The following PPP1R1C variants were observed in gnomAD, a reference collection of about 807,000 sequenced individuals.
PPP1R1C encodes the protein protein phosphatase 1 regulatory inhibitor subunit 1C.
A neutral mutation model predicts 17.4 loss-of-function variants in PPP1R1C; 15 were observed. That is an observed-to-expected ratio of 0.86 (90% CI 0.58 to 1.33). The LOEUF (loss-of-function observed/expected upper bound fraction) is 1.33, where lower values mean the gene tolerates loss of function less well. PPP1R1C is among the 40% of genes most tolerant of loss of function. The pLI is 0.00. For missense variants in PPP1R1C, 143 were observed against 130.0 expected (o/e 1.10, Z -0.48); for synonymous variants, 35 against 43.1 (o/e 0.81, Z 0.73).
Position 181,990,249 on chromosome 2 carries a change from C to T in PPP1R1C, c.142+2350C>T, listed in dbSNP as rs545750492. On this transcript the variant is annotated intron_variant, in intron 2 of 4. Transcript: ENST00000682840. Reference sequence around the variant, plus strand: ...CACCTCCGGGGTTCACGCCATTCTCCTGCCTCAGCCTCCCGAGCAGCTGGG... The same window carrying T: ...CACCTCCGGGGTTCACGCCATTCTCTTGCCTCAGCCTCCCGAGCAGCTGGG... Among the ~76,000 whole-genome samples, 7 of 152,208 alleles carry T rather than the reference C, an allele frequency of 4.6e-5. No individual in the cohort carries two copies. In the South Asian group the frequency reaches 1.4e-3, roughly 32 times the overall value.
At chr2:182,127,941 T>C (rs943160489) in intron 5 of PPP1R1C, among the ~76,000 whole-genome samples, 2 of 152,096 alleles carry the variant, frequency 1.3e-5, no homozygotes, top group Admixed American at 6.6e-5. Context: ...TTTTTGCCAA[T>C]TAAAAATGCA....
At chr2:182,104,083 A>T (rs1481381113) in intron 4 of PPP1R1C, among the ~76,000 whole-genome samples, 1 of 152,192 alleles carries the variant, frequency 6.6e-6, no homozygotes, top group Non-Finnish European at 1.5e-5. Context: ...TTTAAGATTT[A>T]CTGTGCTTTT....
At chr2:182,117,861 T>C (rs1317905516), downstream of PPP1R1C, 1 of 152,168 alleles carries the variant, frequency 6.6e-6, no homozygotes, top group Non-Finnish European at 1.5e-5. Flanking sequence ...CAATATTAGA[T>C]ACTAAACATC....
intron 2 of PPP1R1C, among the ~76,000 whole-genome samples, chr2:182,025,201 T>G (rs992711166): frequency 6.8e-6 from 1 of 146,314 alleles, no homozygotes; most frequent in African/African-American, 2.5e-5. Context: ...TTATTATTAT[T>G]TATTTATTTA....
chr2:182,094,102 T>C (rs945565715), intron 4 of PPP1R1C, among the ~76,000 whole-genome samples: 5 of 152,198 alleles, frequency 3.3e-5, no homozygotes, highest in African/African-American at 7.2e-5. Context: ...TAGTCATTAT[T>C]GGACTTACAG....
downstream of PPP1R1C, among the ~76,000 whole-genome samples, chr2:182,119,152 G>GTGTT (rs535494781): frequency 0.031 from 4,743 of 151,956 alleles, 212 homozygotes; most frequent in Admixed American, 0.13. Flanking sequence ...GGAACATGTG[G>GTGTT]TGTTTGGTTT....
chr2:182,104,787 G>T (rs1006945974), intron 4 of PPP1R1C, among the ~76,000 whole-genome samples: 2 of 152,152 alleles, frequency 1.3e-5, no homozygotes, highest in African/African-American at 4.8e-5. Context: ...AATGAGTTTA[G>T]AAGTGTTCCC....
chr2:182,122,735 G>GA (rs1390627640), downstream of PPP1R1C, among the ~76,000 whole-genome samples: 1 of 152,052 alleles, frequency 6.6e-6, no homozygotes, highest in Non-Finnish European at 1.5e-5. Context: ...AGAAAAAAAA[G>GA]AAAAAATATT....
At chr2:181,954,877 C>T (rs182050251) in intron 1 of PPP1R1C, among the ~76,000 whole-genome samples, 66 of 152,166 alleles carry the variant, frequency 4.3e-4, no homozygotes, top group Non-Finnish European at 7.4e-4. Flanking sequence ...TGTCTCCATA[C>T]ATAAATATTT....
intron 2 of PPP1R1C, among the ~76,000 whole-genome samples, chr2:182,060,278 A>AG (rs1687812649): frequency 6.6e-6 from 1 of 152,104 alleles, no homozygotes; most frequent in Admixed American, 6.6e-5. Context: ...CTGTTTAGCC[A>AG]GTTTGTTCTC....
At chr2:181,973,608 T>C (rs79268895) in intron 1 of PPP1R1C, among the ~76,000 whole-genome samples, 1 of 152,174 alleles carries the variant, frequency 6.6e-6, no homozygotes, top group African/African-American at 2.4e-5. Flanking sequence ...AAGACGAATG[T>C]TTCAGTGTCA....
chr2:181,975,817 T>C (rs1209775751), intron 2 of PPP1R1C, among the ~76,000 whole-genome samples: 1 of 152,050 alleles, frequency 6.6e-6, no homozygotes, highest in African/African-American at 2.4e-5. Context: ...TTAGGAACAG[T>C]GTTCTTTTGC....
intron 2 of PPP1R1C, among the ~76,000 whole-genome samples, chr2:182,014,072 C>T (rs574294474): frequency 6.6e-6 from 1 of 152,238 alleles, no homozygotes; most frequent in South Asian, 2.1e-4. Context: ...GTCATGTTTT[C>T]CTGGATGGTC....
intron 2 of PPP1R1C, among the ~76,000 whole-genome samples, chr2:182,034,750 G>C (rs1686951803): frequency 6.6e-6 from 1 of 152,186 alleles, no homozygotes; most frequent in African/African-American, 2.4e-5. Context: ...CTAAAAGGCA[G>C]TCTCATCAAA....
At chr2:182,120,219 A>T (rs1689700198), downstream of PPP1R1C, among the ~76,000 whole-genome samples, 1 of 152,104 alleles carries the variant, frequency 6.6e-6, no homozygotes, top group Non-Finnish European at 1.5e-5. Flanking sequence ...ATGGTTGTAG[A>T]TATGCGGCAT....
At position 182,063,760 on chromosome 2, in the gene PPP1R1C, G is replaced by A; in HGVS notation, c.210G>A (p.Lys70=). The change falls in exon 4 of 5, where the codon AAG becomes AAA. Residue 70 remains lysine, a synonymous_variant. Transcript: ENST00000682840. ...ELQNASPKQR[K]QSVYTPPTIK... is the part of the protein sequence containing the mutation. ...AGAATGCATCCCCTAAGCAAAGGAA[G>A]CAGAGTGTGTACACACCACCCACCA... 1 of 1,612,898 alleles carries A rather than the reference G, an allele frequency of 6.2e-7. No homozygotes were observed. The highest frequency in any genetic ancestry group is 8.5e-7 in the Non-Finnish European group (1 of 1,179,170).
intron 1 of PPP1R1C, among the ~76,000 whole-genome samples, chr2:181,973,368 T>C (rs148288967): frequency 5.5e-4 from 84 of 152,354 alleles, no homozygotes; most frequent in African/African-American, 2.0e-3. Context: ...ACAGCTCTTT[T>C]GCAGAGTTTA....
intron 4 of PPP1R1C, among the ~76,000 whole-genome samples, chr2:182,116,134 A>G (rs1262735770): frequency 6.6e-6 from 1 of 152,170 alleles, no homozygotes; most frequent in Non-Finnish European, 1.5e-5. Context: ...AAAAATCTAA[A>G]GATAGATTAT....
rs183056528 is a variant in PPP1R1C, at chr2:182,078,039, G to A, written c.241+14248G>A. Among the ~76,000 whole-genome samples, 721 of 152,104 alleles carry A rather than the reference G, an allele frequency of 4.7e-3. 2 individuals carry two copies. The highest frequency in any genetic ancestry group is 0.01 in the Middle Eastern group (3 of 294). On this transcript the variant is annotated intron_variant, in intron 4 of 4. Transcript: ENST00000682840. ...CTTGAAAATGCAAAAAAATTAGCCG[G>A]GTGTGTGGCGCACACCTGTTGTCCC...
Sources: gnomAD v4.1 joint callset for allele counts (sites outside exome capture counted in the v4.1 genomes callset) on GRCh38, gnomAD v4.1.1 for gene constraint, MANE v1.5 for transcripts, NCBI Gene and HGNC (gene_info 2026-07-23, HGNC 2026-07-21) for gene names.